The following TMEM131L variants were observed in gnomAD, a reference collection of about 807,000 sequenced individuals.
The protein encoded by TMEM131L is transmembrane 131 like.
A neutral mutation model predicts 192.2 loss-of-function variants in TMEM131L; 54 were observed. That is an observed-to-expected ratio of 0.28 (90% confidence interval 0.23 to 0.35). The LOEUF (loss-of-function observed/expected upper bound fraction) is 0.35. Ranked by LOEUF, TMEM131L falls within the 10% of genes least tolerant of loss-of-function variation. The pLI, the probability that TMEM131L is intolerant of heterozygous loss-of-function variation, is 1.00. For missense variants in TMEM131L, 1,888 were observed against 1,972.9 expected (o/e 0.96, Z 0.82); for synonymous variants, 701 against 704.9 (o/e 0.99, Z 0.09).
At chr4:153,507,720 A>AC (rs1439651130) in intron 3 of TMEM131L, among the ~76,000 whole-genome samples, 16 of 152,270 alleles carry the variant, frequency 1.1e-4, no homozygotes, top group Non-Finnish European at 1.9e-4. Context: ...GCAAAACAAA[A>AC]AAACAAACAA....
intron 3 of TMEM131L, among the ~76,000 whole-genome samples, chr4:153,547,538 C>T (rs1483344502): frequency 6.6e-6 from 1 of 152,190 alleles, no homozygotes; most frequent in East Asian, 1.9e-4. Flanking sequence ...TCATATCTGG[C>T]ACATCATTTT....
At chr4:153,557,298 C>G (rs2150476586) in intron 6 of TMEM131L, among the ~76,000 whole-genome samples, 1 of 152,274 alleles carries the variant, frequency 6.6e-6, no homozygotes, top group Admixed American at 6.5e-5. Flanking sequence ...AGCTATAGTC[C>G]TACTGTGGGT....
chr4:153,589,877 GCA>G (rs1195826738), intron 16 of TMEM131L, among the ~76,000 whole-genome samples: 1 of 151,974 alleles, frequency 6.6e-6, no homozygotes, highest in Non-Finnish European at 1.5e-5. Flanking sequence ...ACACATACAC[GCA>G]CAGACTTTTG....
intron 3 of TMEM131L, among the ~76,000 whole-genome samples, chr4:153,535,259 G>T (rs1326899719): frequency 6.6e-6 from 1 of 152,192 alleles, no homozygotes; most frequent in Non-Finnish European, 1.5e-5. Flanking sequence ...GGAGATGGCT[G>T]TGGGCAGTTG....
intron 7 of TMEM131L, among the ~76,000 whole-genome samples, chr4:153,566,503 T>TTG (rs1168719492): frequency 7.2e-6 from 1 of 139,572 alleles, no homozygotes; most frequent in Non-Finnish European, 1.5e-5. Flanking sequence ...AGTTTTGTCT[T>TTG]TGTGTGTGAG....
At chr4:153,486,276 T>C (rs1176050297) in intron 3 of TMEM131L, among the ~76,000 whole-genome samples, 1 of 152,248 alleles carries the variant, frequency 6.6e-6, no homozygotes, top group African/African-American at 2.4e-5. Flanking sequence ...TCCACAGATA[T>C]TCAGCTACAT....
intron 9 of TMEM131L, among the ~76,000 whole-genome samples, 172 bp from the exon 10 acceptor site, chr4:153,583,018 A>G (rs1428472325): frequency 6.6e-6 from 1 of 152,140 alleles, no homozygotes. Flanking sequence ...AAAGAAAAAA[A>G]AAAAGAAAAC....
intron 3 of TMEM131L, among the ~76,000 whole-genome samples, chr4:153,532,768 A>G (rs1375425284): frequency 6.6e-6 from 1 of 152,082 alleles, no homozygotes; most frequent in Non-Finnish European, 1.5e-5. Flanking sequence ...TAACGTTCCA[A>G]AGGTTACCTG....
intron 3 of TMEM131L, among the ~76,000 whole-genome samples, chr4:153,500,472 G>C (rs1733523432): frequency 6.6e-6 from 1 of 152,144 alleles, no homozygotes; most frequent in South Asian, 2.1e-4. Flanking sequence ...TCTGAATGGT[G>C]CCCTATGTAG....
chr4:153,584,657 G>A (rs1730582226), intron 11 of TMEM131L, among the ~76,000 whole-genome samples, 178 bp from the exon 12 acceptor site: 1 of 152,150 alleles, frequency 6.6e-6, no homozygotes, highest in African/African-American at 2.4e-5. Context: ...CTGGATAATT[G>A]GCAACAAAGA....
At chr4:153,576,823 T>C (rs1471001960) in intron 7 of TMEM131L, among the ~76,000 whole-genome samples, 1 of 152,226 alleles carries the variant, frequency 6.6e-6, no homozygotes, top group Non-Finnish European at 1.5e-5. Flanking sequence ...TACTATTTTC[T>C]GTTTCTTGCC....
At chr4:153,614,479 C>T (rs1301655599) in intron 26 of TMEM131L, among the ~76,000 whole-genome samples, 1 of 152,108 alleles carries the variant, frequency 6.6e-6, no homozygotes, top group East Asian at 1.9e-4. Context: ...TGGCACCTTT[C>T]TGCAGATTTG....
At chr4:153,579,684 A>T (rs1730201991) in intron 7 of TMEM131L, among the ~76,000 whole-genome samples, 1 of 151,992 alleles carries the variant, frequency 6.6e-6, no homozygotes, top group Non-Finnish European at 1.5e-5. Flanking sequence ...CATGTCTCCT[A>T]GCTGGTCTGC....
At position 153,544,269 on chromosome 4, in the gene TMEM131L, G is replaced by C. The variant is rs563474930; in HGVS notation, c.240-5804G>C. ...GCTCACTGTTGTGTCTCAGATCCCT[G>C]TTAGGAGGTGAAGCTATTTTTCACT... On this transcript the variant is annotated intron_variant, in intron 3 of 34. Coordinates refer to ENST00000409959, the MANE Select transcript of TMEM131L (RefSeq NM_001131007.2). Among the ~76,000 whole-genome samples, 11 of 152,342 alleles carry C rather than the reference G, an allele frequency of 7.2e-5. No homozygotes were observed. In the East Asian group the frequency reaches 1.2e-3, roughly 16 times the overall value.
chr4:153,613,821 T>C (rs1732791192), intron 26 of TMEM131L, among the ~76,000 whole-genome samples: 1 of 152,246 alleles, frequency 6.6e-6, no homozygotes, highest in African/African-American at 2.4e-5. Flanking sequence ...ATTATTTCTT[T>C]TTCCTTCTTT....
intron 6 of TMEM131L, among the ~76,000 whole-genome samples, chr4:153,557,441 G>T (rs1164427853): frequency 6.6e-6 from 1 of 152,158 alleles, no homozygotes; most frequent in Non-Finnish European, 1.5e-5. Flanking sequence ...ACAGTCTCTA[G>T]TGATTTTGCC....
intron 29 of TMEM131L, among the ~76,000 whole-genome samples, chr4:153,623,487 C>T (rs1313373672): frequency 6.6e-6 from 1 of 152,216 alleles, no homozygotes; most frequent in African/African-American, 2.4e-5. Context: ...AAACTGTACC[C>T]ATGAAACAAT....
intron 2 of TMEM131L, among the ~76,000 whole-genome samples, chr4:153,470,553 CTTACAT>C (rs1309865609): frequency 6.6e-6 from 1 of 152,168 alleles, no homozygotes; most frequent in Admixed American, 6.5e-5. Flanking sequence ...TGATTTTATT[CTTACAT>C]TTACAGAAAT....
At chr4:153,491,989 C>A (rs1288872783) in intron 3 of TMEM131L, among the ~76,000 whole-genome samples, 1 of 151,950 alleles carries the variant, frequency 6.6e-6, no homozygotes, top group South Asian at 2.1e-4. Flanking sequence ...CAGGAGCCAC[C>A]ACACCTGGCA....
Sources: gnomAD v4.1 joint callset for allele counts (sites outside exome capture counted in the v4.1 genomes callset) on GRCh38, gnomAD v4.1.1 for gene constraint, MANE v1.5 for transcripts, NCBI Gene and HGNC (gene_info 2026-07-23, HGNC 2026-07-21) for gene names.